BBX: variants seen among roughly 807,000 people sequenced by gnomAD.
BBX encodes BBX high mobility group box domain containing, also known as HMG box transcription factor BBX.
BBX carries 30 observed loss-of-function variants against 100.2 expected under a neutral mutation model. That is an observed-to-expected ratio of 0.30 (90% confidence interval 0.22 to 0.41). The LOEUF is 0.41. Among genes scored for constraint, BBX ranks in the 10% least tolerant of loss-of-function variants. BBX has a pLI of 1.00. For synonymous variants in BBX, 376 were observed against 388.1 expected, an observed-to-expected ratio of 0.97 and a Z score of 0.37; for missense variants, 1,023 against 1,129.8, an observed-to-expected ratio of 0.91 and a Z score of 1.35.
intron 2 of BBX, among the ~76,000 whole-genome samples, chr3:107,557,892 T>C (rs1431511988): frequency 6.6e-6 from 1 of 152,190 alleles, no homozygotes; most frequent in Non-Finnish European, 1.5e-5. Flanking sequence ...TTTAGTAATA[T>C]TAGCAAGGGG....
intron 2 of BBX, among the ~76,000 whole-genome samples, chr3:107,603,405 G>A (rs1399736908): frequency 6.6e-6 from 1 of 151,966 alleles, no homozygotes; most frequent in Non-Finnish European, 1.5e-5. Flanking sequence ...TTGAGACGGA[G>A]TCTCGCTCTG....
chr3:107,550,213 A>G (rs571972491), intron 2 of BBX, among the ~76,000 whole-genome samples: 1 of 152,238 alleles, frequency 6.6e-6, no homozygotes, highest in South Asian at 2.1e-4. Context: ...TAATGAGATA[A>G]CACAAGGGGA....
At chr3:107,804,679 G>A (rs992744889) in intron 17 of BBX, among the ~76,000 whole-genome samples, 1 of 152,136 alleles carries the variant, frequency 6.6e-6, no homozygotes, top group African/African-American at 2.4e-5. Flanking sequence ...CTCCCTCCAT[G>A]TGTATTGATT....
At chr3:107,534,872 A>G (rs1286555704) in intron 2 of BBX, among the ~76,000 whole-genome samples, 1 of 152,212 alleles carries the variant, frequency 6.6e-6, no homozygotes, top group Non-Finnish European at 1.5e-5. Flanking sequence ...ACACAGTTTC[A>G]TTTAAACTTC....
intron 5 of BBX, among the ~76,000 whole-genome samples, chr3:107,722,951 G>T (rs1344373754): frequency 6.6e-6 from 1 of 151,972 alleles, no homozygotes; most frequent in African/African-American, 2.4e-5. Flanking sequence ...GATGGGAAGA[G>T]AAACAGCTGT....
chr3:107,610,712 C>T (rs548867381), intron 2 of BBX, among the ~76,000 whole-genome samples: 20 of 151,762 alleles, frequency 1.3e-4, no homozygotes, highest in African/African-American at 3.4e-4. Context: ...CTTTCCCCAC[C>T]CCCCTGGCTT....
chr3:107,732,929 TTGG>T, intron 6 of BBX, 24 bp from the exon 7 acceptor site: 1 of 1,587,488 alleles, frequency 6.3e-7, no homozygotes, highest in Non-Finnish European at 8.6e-7. Flanking sequence ...TGCTTATAAG[TTGG>T]TGATTTGTTT....
intron 3 of BBX, among the ~76,000 whole-genome samples, chr3:107,655,542 A>C (rs1453603112): frequency 7.1e-6 from 1 of 141,558 alleles, no homozygotes; most frequent in Non-Finnish European, 1.5e-5. Flanking sequence ...TTTAAGAGAT[A>C]AGGGCTCATT....
At chr3:107,672,096 A>G (rs115408108) in intron 3 of BBX, among the ~76,000 whole-genome samples, 1 of 152,096 alleles carries the variant, frequency 6.6e-6, no homozygotes, top group Admixed American at 6.6e-5. Context: ...CTGTTTCATA[A>G]CTTTCTAATG....
chr3:107,664,366 T>G (rs2058632314), intron 3 of BBX, among the ~76,000 whole-genome samples: 1 of 152,206 alleles, frequency 6.6e-6, no homozygotes, highest in Non-Finnish European at 1.5e-5. Context: ...GCTCCTATAG[T>G]TCTTTAAAAT....
intron 2 of BBX, among the ~76,000 whole-genome samples, chr3:107,553,392 G>A (rs2049847397): frequency 6.6e-6 from 1 of 152,184 alleles, no homozygotes; most frequent in African/African-American, 2.4e-5. Context: ...CAGGATTTGA[G>A]TTCTGGTCAT....
intron 10 of BBX, among the ~76,000 whole-genome samples, chr3:107,765,836 G>C (rs551567361): frequency 1.3e-5 from 2 of 152,124 alleles, no homozygotes; most frequent in Non-Finnish European, 2.9e-5. Flanking sequence ...TCTTATAAAT[G>C]TTACTACATT....
At chr3:107,565,264 G>T (rs1256124152) in intron 2 of BBX, among the ~76,000 whole-genome samples, 3 of 150,852 alleles carry the variant, frequency 2.0e-5, no homozygotes, top group African/African-American at 7.3e-5. Context: ...CGTAAAAGTT[G>T]TGTCAGCCTG....
intron 2 of BBX, among the ~76,000 whole-genome samples, chr3:107,624,906 A>G (rs2056061358): frequency 1.3e-5 from 2 of 152,220 alleles, no homozygotes; most frequent in Non-Finnish European, 2.9e-5. Context: ...ACTTAGGAGA[A>G]TAACATTCAT....
In BBX at chr3:107,737,506, A is replaced by G. The variant is rs80003636; in HGVS notation, c.669+4483A>G. Reference sequence around the variant, plus strand: ...TTAGTGGAGAAGATGCTAATAGATGATGGCACACCTCCATAAAAGGACTGT... The same window carrying G: ...TTAGTGGAGAAGATGCTAATAGATGGTGGCACACCTCCATAAAAGGACTGT... On this transcript the variant is annotated intron_variant, in intron 7 of 17. Transcript: ENST00000325805. 2.0e-5 allele frequency among the ~76,000 whole-genome samples: 3 copies of G among 152,270 alleles called. No individual in the cohort carries two copies. The East Asian group carries it at 5.8e-4, about 29-fold the overall frequency.
At chr3:107,691,877 A>G (rs1005397617) in intron 3 of BBX, among the ~76,000 whole-genome samples, 1 of 152,208 alleles carries the variant, frequency 6.6e-6, no homozygotes, top group Non-Finnish European at 1.5e-5. Context: ...CAACTTCGCT[A>G]AACACTATAC....
intron 2 of BBX, among the ~76,000 whole-genome samples, chr3:107,637,527 C>T (rs1241711110): frequency 6.6e-6 from 1 of 152,270 alleles, no homozygotes; most frequent in Non-Finnish European, 1.5e-5. Context: ...ATGGCAGTAG[C>T]CCTGGGTTCT....
intron 2 of BBX, among the ~76,000 whole-genome samples, chr3:107,543,377 C>T (rs1245195211): frequency 5.3e-5 from 8 of 152,120 alleles, no homozygotes; most frequent in Non-Finnish European, 1.2e-4. Flanking sequence ...AGCCAATTCA[C>T]GACACCATCT....
At chr3:107,738,461 G>A (rs564973164) in intron 7 of BBX, among the ~76,000 whole-genome samples, 3 of 152,202 alleles carry the variant, frequency 2.0e-5, no homozygotes, top group East Asian at 3.9e-4. Context: ...AGTGTATTCC[G>A]TAAGACTAAC....
Sources: gnomAD v4.1 joint callset for allele counts (sites outside exome capture counted in the v4.1 genomes callset) on GRCh38, gnomAD v4.1.1 for gene constraint, MANE v1.5 for transcripts, NCBI Gene and HGNC (gene_info 2026-07-23, HGNC 2026-07-21) for gene names.